Variants in OPA1 observed in about 807,000 individuals in gnomAD.
OPA1 encodes the protein OPA1 mitochondrial dynamin like GTPase.
A neutral mutation model predicts 152.9 loss-of-function variants in OPA1; 59 were observed. The ratio of observed to expected loss-of-function variants is 0.39; its 90% CI spans 0.31 to 0.48. The LOEUF is 0.48. Ranked by LOEUF, OPA1 falls within the 20% of genes least tolerant of loss-of-function variation. The pLI, the probability that OPA1 is intolerant of heterozygous loss-of-function variation, is 0.96. For synonymous variants in OPA1, 400 were observed against 389.9 expected (o/e 1.03, Z -0.31); for missense variants, 1,008 against 1,216.8 (o/e 0.83, Z 2.55).
At chr3:193,659,025 G>C (rs777921415) in intron 24 of OPA1, 30 bp downstream of exon 24, 1 of 1,449,828 alleles carries the variant, frequency 6.9e-7, no homozygotes, top group Admixed American at 1.7e-5. Context: ...ATTGAGTTCT[G>C]AGTTCACAGT....
At chr3:193,597,322 A>G (rs1560302985) in intron 1 of OPA1, among the ~76,000 whole-genome samples, 1 of 152,196 alleles carries the variant, frequency 6.6e-6, no homozygotes, top group East Asian at 1.9e-4. Flanking sequence ...GAGGTCAGAT[A>G]AAACCAGAAT....
In OPA1 at chr3:193,618,946, A is replaced by G. The variant is rs761083696; in HGVS notation, c.678+10A>G. ...CAAGCATTTTAGAAAGGTAAGTGTAAAAGAGAATTGTTCATGTAGGTAGTC... is the reference window on the plus strand; with the variant it reads ...CAAGCATTTTAGAAAGGTAAGTGTAGAAGAGAATTGTTCATGTAGGTAGTC... On this transcript the variant is annotated intron_variant, in intron 6 of 30. Transcript: ENST00000361510. 2 of 1,607,612 alleles carry G rather than the reference A, an allele frequency of 1.2e-6. No homozygotes were observed. Among genetic ancestry groups the G allele is most frequent in the Non-Finnish European group, 1.7e-6 (2 of 1,173,994 alleles).
At chr3:193,693,626 C>T (rs745388026) in intron 30 of OPA1, among the ~76,000 whole-genome samples, 54 of 151,936 alleles carry the variant, frequency 3.6e-4, no homozygotes, top group African/African-American at 1.1e-3. Flanking sequence ...GGCGACAGAG[C>T]GAGACTCTTG....
intron 8 of OPA1, among the ~76,000 whole-genome samples, chr3:193,634,866 G>A (rs1445800104): frequency 1.3e-5 from 2 of 152,134 alleles, no homozygotes; most frequent in East Asian, 1.9e-4. Flanking sequence ...TTTATTCCTA[G>A]TCTGTGTAAT....
At chr3:193,686,734 G>A (rs11923926) in intron 29 of OPA1, among the ~76,000 whole-genome samples, 5,247 of 152,110 alleles carry the variant, frequency 0.034, 338 homozygotes, top group African/African-American at 0.12. Flanking sequence ...AATAAGAAGC[G>A]TTCCTTTACT....
At chr3:193,639,383 A>G (rs1322150410) in intron 11 of OPA1, among the ~76,000 whole-genome samples, 2 of 152,234 alleles carry the variant, frequency 1.3e-5, no homozygotes, top group African/African-American at 4.8e-5. Context: ...TGAGGGTGCC[A>G]GAGTATTCAT....
Position 193,615,221 on chromosome 3 carries a change from A to G in OPA1, c.351+180A>G, listed in dbSNP as rs75414244. ...AAGATGCCTTTAGAATCTTAGTTAT[A>G]ATTACAGGAAATTAAAATGGCCTAG... On this transcript the variant is annotated intron_variant, in intron 2 of 30. Coordinates refer to ENST00000361510, the MANE Select transcript of OPA1 (RefSeq NM_130837.3). Among the ~76,000 whole-genome samples, 3,692 of 152,328 alleles carry G rather than the reference A, an allele frequency of 0.024. 161 individuals are homozygous for G. Among genetic ancestry groups the G allele is most frequent in the African/African-American group, 0.085 (3,530 of 41,558 alleles).
At chr3:193,694,278 C>A (rs1722049335) in intron 30 of OPA1, among the ~76,000 whole-genome samples, 1 of 152,098 alleles carries the variant, frequency 6.6e-6, no homozygotes, top group Non-Finnish European at 1.5e-5. Context: ...TACCAAGGAC[C>A]CTAAGGAATA....
At chr3:193,690,735 T>C (rs1378405322) in intron 29 of OPA1, among the ~76,000 whole-genome samples, 2 of 152,294 alleles carry the variant, frequency 1.3e-5, no homozygotes, top group South Asian at 2.1e-4. Flanking sequence ...ATAAAAGATA[T>C]AAATGTCAAA....
chr3:193,593,425 A>T lies in OPA1; in HGVS notation c.32+16A>T, dbSNP rs1043221118. On this transcript the variant is annotated intron_variant, in intron 1 of 30. Coordinates refer to ENST00000361510, the MANE Select transcript of OPA1 (RefSeq NM_130837.3). The stretch of plus-strand genomic sequence containing the variant: ...CTGTGGCCTGGTAAGTGCAGGCTCT[A>T]ATCTGGCCCCGTTAATTCTGGGGCC... 6.5e-7 allele frequency: 1 copy of T among 1,530,632 alleles called. No individual in the cohort carries two copies. The highest frequency in any genetic ancestry group is 8.8e-7 in the Non-Finnish European group (1 of 1,134,564). 94.8% of individuals were successfully genotyped at this position (1,530,632 alleles called of 1,614,324 possible).
At chr3:193,653,256 G>T (rs1480091186) in intron 21 of OPA1, among the ~76,000 whole-genome samples, 1 of 152,178 alleles carries the variant, frequency 6.6e-6, no homozygotes, top group African/African-American at 2.4e-5. Flanking sequence ...TGACCTGAAA[G>T]TTAGCAGTGG....
chr3:193,598,311 C>G (rs755334754), intron 1 of OPA1, among the ~76,000 whole-genome samples: 5 of 152,110 alleles, frequency 3.3e-5, no homozygotes, highest in Non-Finnish European at 7.4e-5. Context: ...AGCTTCCATT[C>G]TCTGTGAAGT....
chr3:193,658,926 T>A lies in OPA1; in HGVS notation c.2371T>A (p.Ser791Thr). 1 of 1,613,926 alleles carries A rather than the reference T, an allele frequency of 6.2e-7. No homozygotes were observed. The highest frequency in any genetic ancestry group is 8.5e-7 in the Non-Finnish European group (1 of 1,179,832). Residue 791 changes from serine (S) to threonine (T), a missense_variant, in exon 24 of 31, where the codon TCT becomes ACT. Physicochemically the swap from Ser to Thr is moderately conservative, Grantham distance 58. Around this residue, in one of 7 missense-constraint regions of OPA1, gnomAD observed 229 missense variants for 269.0 expected, o/e 0.85. Coordinates refer to ENST00000361510, the MANE Select transcript of OPA1 (RefSeq NM_130837.3). ...QHNALEDRSI[S>T]DKQQWDAAIY... The stretch of plus-strand genomic sequence containing the variant: ...CAATGCTTTGGAAGACCGATCCATA[T>A]CTGATAAACAGCAATGGGATGCAGC...
intron 29 of OPA1, among the ~76,000 whole-genome samples, chr3:193,669,794 T>G (rs2109305635): frequency 6.6e-6 from 1 of 152,320 alleles, no homozygotes; most frequent in South Asian, 2.1e-4. Flanking sequence ...CCCATTACTC[T>G]CCGCTCCCAA....
intron 25 of OPA1, among the ~76,000 whole-genome samples, chr3:193,662,030 G>C (rs527515616): frequency 1.3e-5 from 2 of 152,200 alleles, no homozygotes; most frequent in East Asian, 1.9e-4. Flanking sequence ...AAAACACTCA[G>C]TTTCGTAGCT....
chr3:193,624,883 A>G (rs941474904), intron 6 of OPA1, among the ~76,000 whole-genome samples: 3 of 152,142 alleles, frequency 2.0e-5, no homozygotes, highest in Non-Finnish European at 4.4e-5. Context: ...TTGGGCAGTC[A>G]TTTTTTAACT....
Position 193,664,779 on chromosome 3 carries a change from TTAAC to T in OPA1, c.2662-99_2662-96del, listed in dbSNP as rs377007902. 8 of 745,888 alleles carry T rather than the reference TTAAC, an allele frequency of 1.1e-5. No individual in the cohort carries two copies. In the East Asian group the frequency reaches 1.5e-4, roughly 14 times the overall value. 46.2% of individuals were successfully genotyped at this position (745,888 alleles called of 1,614,324 possible). ...AGAATAACCTTGCTTTTGCTTTTAA[TTAAC>T]TTTTTTGGTAAATATAATTTTTGTA... On this transcript the variant is annotated intron_variant, in intron 26 of 30. Transcript: ENST00000361510.
chr3:193,596,428 C>T (rs913594958), intron 1 of OPA1, among the ~76,000 whole-genome samples: 70 of 90,516 alleles, frequency 7.7e-4, no homozygotes, highest in African/African-American at 3.1e-3. Flanking sequence ...TTCTTTCACA[C>T]AGGATCTTGG....
chr3:193,643,038 G>A lies in OPA1; in HGVS notation c.1294G>A (p.Val432Ile), dbSNP rs780922750. ...MRKNVKEGCTVSPETISLNVK... is the reference protein window; with the variant it reads ...MRKNVKEGCTISPETISLNVK... ...GAAAAATGTGAAAGAAGGCTGTACCGTTAGCCCTGAGGTAAGGGTTGCAAT... is the reference window on the plus strand; with the variant it reads ...GAAAAATGTGAAAGAAGGCTGTACCATTAGCCCTGAGGTAAGGGTTGCAAT... Residue 432 changes from valine to isoleucine, a missense_variant, in exon 13 of 31, where the codon GTT (valine) becomes ATT (isoleucine). Physicochemically the swap from Val to Ile is conservative, Grantham distance 29. Transcript: ENST00000361510. The A allele has an allele frequency of 6.2e-6, 10 of 1,611,270 alleles. No homozygotes were observed. The highest frequency in any genetic ancestry group is 5.0e-5 in the Admixed American group (3 of 59,988).
Sources: allele counts gnomAD v4.1 joint callset (sites outside exome capture counted in the v4.1 genomes callset), GRCh38; gene constraint gnomAD v4.1.1; regional missense constraint gnomAD v4.1.1; transcripts MANE v1.5; gene names NCBI Gene and HGNC (gene_info 2026-07-23, HGNC 2026-07-21).